The following AGBL4 variants were observed in gnomAD, a reference collection of about 807,000 sequenced individuals.
The protein encoded by AGBL4 is cytosolic carboxypeptidase 6.
Under a neutral mutation model 66.4 loss-of-function variants are expected in AGBL4, and 58 were observed. The ratio of observed to expected loss-of-function variants is 0.87; its 90% confidence interval spans 0.71 to 1.09. The LOEUF is 1.09. AGBL4 is among the 50% of genes least tolerant of loss of function. The pLI is 0.00. For missense variants in AGBL4, 579 were observed against 631.0 expected, an observed-to-expected ratio of 0.92 and a Z score of 0.88; for synonymous variants, 234 against 222.9, an observed-to-expected ratio of 1.05 and a Z score of -0.44.
chr1:48,999,544 C>T (rs1299215144), intron 5 of AGBL4, among the ~76,000 whole-genome samples: 1 of 152,174 alleles, frequency 6.6e-6, no homozygotes, highest in South Asian at 2.1e-4. Context: ...AAGGAATGCA[C>T]TTGGCATGAC....
At chr1:49,784,058 G>T (rs1010875319) in intron 2 of AGBL4, among the ~76,000 whole-genome samples, 3 of 152,012 alleles carry the variant, frequency 2.0e-5, no homozygotes, top group African/African-American at 7.2e-5. Flanking sequence ...TATTAAGATG[G>T]CAGTACTCCT....
At chr1:49,205,758 A>G (rs889233187) in intron 4 of AGBL4, among the ~76,000 whole-genome samples, 1 of 152,176 alleles carries the variant, frequency 6.6e-6, no homozygotes, top group Non-Finnish European at 1.5e-5. Context: ...TATCTGTTGC[A>G]TAATGTTAAT....
intron 11 of AGBL4, among the ~76,000 whole-genome samples, chr1:48,580,232 T>C (rs1644718976): frequency 6.6e-6 from 1 of 152,170 alleles, no homozygotes; most frequent in Non-Finnish European, 1.5e-5. Context: ...TCTGCTCACA[T>C]CAACAGAGCT....
At chr1:48,611,069 T>C (rs993305188) in intron 9 of AGBL4, among the ~76,000 whole-genome samples, 9 of 152,334 alleles carry the variant, frequency 5.9e-5, no homozygotes, top group South Asian at 4.1e-4. Context: ...AGAGCCTTCA[T>C]TGAGATTCTG....
At chr1:49,330,766 G>A (rs1484757268) in intron 3 of AGBL4, among the ~76,000 whole-genome samples, 1 of 152,162 alleles carries the variant, frequency 6.6e-6, no homozygotes, top group Non-Finnish European at 1.5e-5. Flanking sequence ...AAGCAAAGGG[G>A]TGAAGGGGCC....
At chr1:48,732,450 A>C (rs1648293081) in intron 6 of AGBL4, among the ~76,000 whole-genome samples, 1 of 152,172 alleles carries the variant, frequency 6.6e-6, no homozygotes, top group Non-Finnish European at 1.5e-5. Flanking sequence ...ATTCTAATGG[A>C]AGTGGGAGAA....
intron 4 of AGBL4, among the ~76,000 whole-genome samples, chr1:49,118,096 T>C (rs1645568830): frequency 6.6e-6 from 1 of 152,230 alleles, no homozygotes; most frequent in Non-Finnish European, 1.5e-5. Flanking sequence ...AAGTTGCTTA[T>C]CAGCTTAAGG....
chr1:49,121,894 A>T (rs1364362952), intron 4 of AGBL4, among the ~76,000 whole-genome samples: 1 of 152,100 alleles, frequency 6.6e-6, no homozygotes, highest in Non-Finnish European at 1.5e-5. Flanking sequence ...TGCTTTGTTT[A>T]CCTACTCAAA....
chr1:49,335,918 T>C lies in AGBL4; in HGVS notation c.283-90054A>G, dbSNP rs547901999. Among the ~76,000 whole-genome samples the C allele has an allele frequency of 2.6e-5, 4 of 152,314 alleles. No homozygotes were observed. The South Asian group carries it at 8.3e-4, about 32-fold the overall frequency. ...CTTATCTTCCCATCAGACACTACTC[T>C]CTCACTACATTTGTGTGTTCTTTTT... On this transcript the variant is annotated intron_variant, in intron 3 of 13. Coordinates refer to ENST00000371839, the MANE Select transcript of AGBL4 (RefSeq NM_032785.4).
chr1:49,839,502 A>G (rs1372172799), intron 2 of AGBL4, among the ~76,000 whole-genome samples: 3 of 152,248 alleles, frequency 2.0e-5, no homozygotes, highest in African/African-American at 7.2e-5. Context: ...TGAAATTTCT[A>G]TCAGATCTCA....
intron 3 of AGBL4, among the ~76,000 whole-genome samples, chr1:49,372,743 T>C (rs751306760): frequency 6.7e-6 from 1 of 148,804 alleles, no homozygotes; most frequent in East Asian, 2.0e-4. Context: ...CTCTCTCTCT[T>C]CTCTCTCTCT....
chr1:49,948,064 A>G (rs1287367626), intron 1 of AGBL4, among the ~76,000 whole-genome samples: 5 of 89,944 alleles, frequency 5.6e-5, no homozygotes, highest in African/African-American at 2.5e-4. Flanking sequence ...ATATATATGT[A>G]AATATATGTA....
At chr1:48,990,385 A>G (rs188339734) in intron 5 of AGBL4, among the ~76,000 whole-genome samples, 4 of 152,120 alleles carry the variant, frequency 2.6e-5, no homozygotes, top group African/African-American at 9.6e-5. Context: ...AAGGTTTTTA[A>G]CTTAATGTGA....
chr1:49,025,262 C>T (rs1036074615), intron 5 of AGBL4, among the ~76,000 whole-genome samples: 4 of 152,154 alleles, frequency 2.6e-5, no homozygotes, highest in South Asian at 2.1e-4. Flanking sequence ...TCAGCAGCTG[C>T]GTTTCCAACT....
intron 1 of AGBL4, among the ~76,000 whole-genome samples, chr1:50,008,497 T>C (rs920909086): frequency 6.6e-6 from 1 of 151,950 alleles, no homozygotes; most frequent in African/African-American, 2.4e-5. Flanking sequence ...TACCAAAACC[T>C]GTGGGATATG....
downstream of AGBL4, among the ~76,000 whole-genome samples, chr1:48,528,903 C>T (rs1368742065): frequency 6.6e-6 from 1 of 151,942 alleles, no homozygotes; most frequent in Non-Finnish European, 1.5e-5. Flanking sequence ...GAATCTATTT[C>T]CCCCTTCTCT....
At chr1:49,560,013 T>C (rs1311119771) in intron 3 of AGBL4, among the ~76,000 whole-genome samples, 1 of 152,040 alleles carries the variant, frequency 6.6e-6, no homozygotes, top group Non-Finnish European at 1.5e-5. Flanking sequence ...AGGACAAATA[T>C]AAACAACCCT....
At chr1:49,424,250 C>G (rs1645610103) in intron 3 of AGBL4, among the ~76,000 whole-genome samples, 3 of 152,068 alleles carry the variant, frequency 2.0e-5, no homozygotes, top group African/African-American at 7.2e-5. Flanking sequence ...ACGAAACAAA[C>G]AAAGAAACAA....
At chr1:48,624,976 T>C (rs1645477209) in intron 9 of AGBL4, among the ~76,000 whole-genome samples, 1 of 151,710 alleles carries the variant, frequency 6.6e-6, no homozygotes, top group Admixed American at 6.6e-5. Context: ...GGCGCGATCA[T>C]AGCTCACTAT....
Sources: allele counts gnomAD v4.1 joint callset (sites outside exome capture counted in the v4.1 genomes callset), GRCh38; gene constraint gnomAD v4.1.1; transcripts MANE v1.5; gene names NCBI Gene and HGNC (gene_info 2026-07-23, HGNC 2026-07-21).